Variants in BCR observed in about 807,000 individuals in gnomAD.
The protein encoded by BCR is BCR activator of RhoGEF and GTPase.
In BCR, 58 loss-of-function variants were observed where a neutral mutation model predicts 138.6. The ratio of observed to expected loss-of-function variants is 0.42; its 90% CI spans 0.34 to 0.52. The LOEUF (loss-of-function observed/expected upper bound fraction) is 0.52, where lower values mean the gene tolerates loss of function less well. BCR is among the 20% of genes least tolerant of loss of function. The probability of loss-of-function intolerance (pLI) is 0.06; values close to 1 mark genes in which losing one functional copy is unlikely to be tolerated. For synonymous variants in BCR, 786 were observed against 730.1 expected (o/e 1.08, Z -1.23); for missense variants, 1,599 against 1,727.2 (o/e 0.93, Z 1.32).
At chr22:23,185,114 C>T (rs1458373502) in intron 1 of BCR, among the ~76,000 whole-genome samples, 2 of 152,154 alleles carry the variant, frequency 1.3e-5, no homozygotes, top group African/African-American at 4.8e-5. Context: ...CTCATGGGCT[C>T]ATCTGTCGCC....
intron 1 of BCR, among the ~76,000 whole-genome samples, chr22:23,190,590 C>G (rs186411452): frequency 3.9e-4 from 60 of 152,308 alleles, no homozygotes; most frequent in Middle Eastern, 3.4e-3. Context: ...TTCTGAGGTA[C>G]TGGGAGTTAG....
intron 1 of BCR, among the ~76,000 whole-genome samples, chr22:23,200,222 A>C (rs2072536490): frequency 6.6e-6 from 1 of 152,184 alleles, no homozygotes; most frequent in Admixed American, 6.5e-5. Flanking sequence ...GGGCTCAGAC[A>C]TCCAGGGTGG....
intron 1 of BCR, among the ~76,000 whole-genome samples, chr22:23,245,720 C>G (rs1435219688): frequency 1.3e-5 from 2 of 151,938 alleles, no homozygotes; most frequent in African/African-American, 4.8e-5. Flanking sequence ...TACTGATGTC[C>G]ATCCGGAAGG....
At chr22:23,210,416 CAAAAAG>C (rs2072667959) in intron 1 of BCR, among the ~76,000 whole-genome samples, 1 of 109,488 alleles carries the variant, frequency 9.1e-6, no homozygotes, top group African/African-American at 4.1e-5. Context: ...GACCCTGTCT[CAAAAAG>C]AAAAAAAAAA....
chr22:23,288,298 G>T (rs2073741105), intron 12 of BCR, 126 bp downstream of exon 12: 1 of 976,322 alleles, frequency 1.0e-6, no homozygotes, highest in Admixed American at 2.0e-5. Flanking sequence ...TTGCATGGAG[G>T]GCTAATTTAG....
chr22:23,208,780 G>A (rs890809442), intron 1 of BCR, among the ~76,000 whole-genome samples: 2 of 151,796 alleles, frequency 1.3e-5, no homozygotes, highest in Admixed American at 6.5e-5. Context: ...GCTTGAACCC[G>A]GGAGGCGGAG....
At chr22:23,265,536 T>TG (rs1184705616) in intron 4 of BCR, among the ~76,000 whole-genome samples, 3 of 152,246 alleles carry the variant, frequency 2.0e-5, no homozygotes, top group African/African-American at 7.2e-5. Context: ...CAGACTCAGA[T>TG]GCGGCTTCTG....
chr22:23,306,609 G>T (rs1353590599), intron 16 of BCR: 4 of 152,240 alleles, frequency 2.6e-5, no homozygotes, highest in Non-Finnish European at 5.9e-5. Context: ...GGCTGGGGTG[G>T]GAGGGTGTTC....
At chr22:23,268,586 A>AC in intron 5 of BCR, 71 bp downstream of exon 5, 1 of 1,273,900 alleles carries the variant, frequency 7.8e-7, no homozygotes, top group Non-Finnish European at 1.1e-6. Flanking sequence ...CCCGAGGAGA[A>AC]CAGAGTGCAC....
At chr22:23,250,197 G>A (rs1479409303) in intron 1 of BCR, among the ~76,000 whole-genome samples, 4 of 152,164 alleles carry the variant, frequency 2.6e-5, no homozygotes. Context: ...TTCTTGCTGG[G>A]CTGACTCCCT....
At chr22:23,303,508 A>G (rs1175404731) in intron 16 of BCR, among the ~76,000 whole-genome samples, 1 of 152,254 alleles carries the variant, frequency 6.6e-6, no homozygotes, top group Non-Finnish European at 1.5e-5. Flanking sequence ...TGCATGGTCC[A>G]TGTGGCAGAG....
chr22:23,184,996 C>CA (rs1360623547), intron 1 of BCR, among the ~76,000 whole-genome samples: 3 of 152,144 alleles, frequency 2.0e-5, no homozygotes, highest in African/African-American at 7.2e-5. Context: ...ACCTCGGAAT[C>CA]AGTCTGTTTG....
At chr22:23,182,820 T>C (rs2072289352) in intron 1 of BCR, among the ~76,000 whole-genome samples, 2 of 152,072 alleles carry the variant, frequency 1.3e-5, no homozygotes, top group South Asian at 4.1e-4. Context: ...CAGGTGAGAA[T>C]AGGAATTAGA....
chr22:23,187,299 A>G (rs1024928657), intron 1 of BCR, among the ~76,000 whole-genome samples: 3 of 89,028 alleles, frequency 3.4e-5, no homozygotes, highest in African/African-American at 1.4e-4. Context: ...TTTTTTTTTC[A>G]CAGTTCTCTG....
At chr22:23,249,619 G>T (rs1378722366) in intron 1 of BCR, among the ~76,000 whole-genome samples, 1 of 151,914 alleles carries the variant, frequency 6.6e-6, no homozygotes, top group Admixed American at 6.6e-5. Context: ...GTGGTGCTTT[G>T]TGTACTTAGG....
intron 2 of BCR, among the ~76,000 whole-genome samples, chr22:23,259,243 G>T (rs2073330562): frequency 6.6e-6 from 1 of 152,232 alleles, no homozygotes; most frequent in South Asian, 2.1e-4. Flanking sequence ...CTGGAGGCCT[G>T]AAATCCAAGA....
chr22:23,279,938 A>G (rs999341086), intron 8 of BCR, among the ~76,000 whole-genome samples: 1 of 152,204 alleles, frequency 6.6e-6, no homozygotes, highest in South Asian at 2.1e-4. Flanking sequence ...GGCAGTGAGA[A>G]GCACGGCCAC....
chr22:23,274,743 AC>A (rs910999422), intron 8 of BCR, among the ~76,000 whole-genome samples: 13 of 151,980 alleles, frequency 8.6e-5, no homozygotes, highest in African/African-American at 3.1e-4. Flanking sequence ...CCCCGTCTCT[AC>A]TAAAAATACA....
chr22:23,282,383 T>TACCCTTCC (rs1402011709), intron 8 of BCR, among the ~76,000 whole-genome samples: 1 of 152,234 alleles, frequency 6.6e-6, no homozygotes, highest in African/African-American at 2.4e-5. Flanking sequence ...GCAGCCTTCC[T>TACCCTTCC]ACCCTTCCAC....
Sources: allele counts gnomAD v4.1 joint callset (sites outside exome capture counted in the v4.1 genomes callset), GRCh38; gene constraint gnomAD v4.1.1; transcripts MANE v1.5; gene names NCBI Gene and HGNC (gene_info 2026-07-23, HGNC 2026-07-21).